The following IFT74 variants were observed in gnomAD, a reference collection of about 807,000 sequenced individuals.
The protein encoded by IFT74 is intraflagellar transport protein 74 homolog.
A neutral mutation model predicts 96.7 loss-of-function variants in IFT74; 92 were observed. The ratio of observed to expected loss-of-function variants is 0.95; its 90% CI spans 0.80 to 1.13. IFT74 has a LOEUF of 1.13. Ranked by LOEUF, IFT74 falls within the 50% of genes most tolerant of loss-of-function variation. The probability of loss-of-function intolerance (pLI) is 0.00; values close to 1 mark genes in which losing one functional copy is unlikely to be tolerated. For synonymous variants in IFT74, 223 were observed against 213.2 expected, an observed-to-expected ratio of 1.05 and a Z score of -0.40; for missense variants, 811 against 698.2, an observed-to-expected ratio of 1.16 and a Z score of -1.82.
At chr9:26,947,327 C>G in intron 1 of IFT74, 1 of 440,888 alleles carries the variant, frequency 2.3e-6, no homozygotes, top group Non-Finnish European at 4.0e-6. Flanking sequence ...CGATGCGGAG[C>G]TGAGCTGGCT....
At chr9:26,991,755 G>A (rs1827885329) in intron 8 of IFT74, among the ~76,000 whole-genome samples, 1 of 152,040 alleles carries the variant, frequency 6.6e-6, no homozygotes, top group African/African-American at 2.4e-5. Flanking sequence ...CTATAGGCCA[G>A]TGTGGTGGTT....
At chr9:27,020,709 C>T (rs554695752) in intron 12 of IFT74, among the ~76,000 whole-genome samples, 35 of 152,152 alleles carry the variant, frequency 2.3e-4, no homozygotes, top group African/African-American at 7.9e-4. Context: ...CTCCTGACCT[C>T]GTGATCTGCC....
At chr9:27,055,191 A>G (rs1022653675) in intron 16 of IFT74, among the ~76,000 whole-genome samples, 1 of 152,160 alleles carries the variant, frequency 6.6e-6, no homozygotes, top group Non-Finnish European at 1.5e-5. Context: ...AGATAGTAAG[A>G]GTTGATTATG....
At chr9:26,949,172 C>T (rs925213164) in intron 1 of IFT74, among the ~76,000 whole-genome samples, 2 of 152,126 alleles carry the variant, frequency 1.3e-5, no homozygotes, top group African/African-American at 4.8e-5. Context: ...AATTTACTGC[C>T]TCCTATATAA....
At chr9:27,032,072 T>G (rs1328143546) in intron 13 of IFT74, among the ~76,000 whole-genome samples, 2 of 152,214 alleles carry the variant, frequency 1.3e-5, no homozygotes, top group Non-Finnish European at 1.5e-5. Context: ...ACAGCATTAC[T>G]ATTATAAGAC....
intron 9 of IFT74, 60 bp from the exon 10 acceptor site, chr9:27,011,846 C>G: frequency 8.4e-7 from 1 of 1,189,238 alleles, no homozygotes; most frequent in Non-Finnish European, 1.1e-6. Context: ...CCTCCCCCCA[C>G]TACAACAAAT....
At chr9:26,969,026 T>C (rs902895266) in intron 2 of IFT74, among the ~76,000 whole-genome samples, 6 of 152,178 alleles carry the variant, frequency 3.9e-5, no homozygotes, top group African/African-American at 1.4e-4. Context: ...TTTTCTACTT[T>C]TTTAATGTAG....
chr9:26,952,967 A>G (rs1054381778), upstream of IFT74, among the ~76,000 whole-genome samples: 3 of 152,242 alleles, frequency 2.0e-5, no homozygotes, highest in African/African-American at 7.2e-5. Context: ...TTAAAGGCTT[A>G]TATAACTAAC....
At chr9:27,002,236 A>T (rs1188543875) in intron 8 of IFT74, among the ~76,000 whole-genome samples, 2 of 152,198 alleles carry the variant, frequency 1.3e-5, no homozygotes, top group Non-Finnish European at 2.9e-5. Context: ...GGTTCAAGTG[A>T]TTCTCATGCC....
intron 2 of IFT74, among the ~76,000 whole-genome samples, chr9:26,967,369 A>G (rs181324978): frequency 6.6e-6 from 1 of 152,000 alleles, no homozygotes; most frequent in Non-Finnish European, 1.5e-5. Flanking sequence ...TAAATGGGAT[A>G]ACTTTCTTGA....
At chr9:26,985,935 C>T (rs1473241514) in intron 6 of IFT74, among the ~76,000 whole-genome samples, 1 of 152,166 alleles carries the variant, frequency 6.6e-6, no homozygotes, top group Non-Finnish European at 1.5e-5. Context: ...TATAGTTCCA[C>T]TAAAGATGCT....
At chr9:26,955,693 T>C (rs1015308079), upstream of IFT74, 2 of 152,034 alleles carry the variant, frequency 1.3e-5, no homozygotes, top group African/African-American at 4.8e-5. Flanking sequence ...GGCAGGCAAG[T>C]TGGAAATAAT....
chr9:26,958,102 C>A (rs1198930634), intron 1 of IFT74, among the ~76,000 whole-genome samples: 1 of 151,994 alleles, frequency 6.6e-6, no homozygotes, highest in Non-Finnish European at 1.5e-5. Context: ...TTGGCAATAC[C>A]TTTATGTACG....
chr9:27,005,813 G>C (rs993812853), intron 8 of IFT74: 3 of 151,220 alleles, frequency 2.0e-5, no homozygotes, highest in Non-Finnish European at 4.4e-5. Context: ...AACAAGTAAG[G>C]CTGTTTGCCT....
chr9:27,018,710 A>AT, intron 12 of IFT74, 23 bp downstream of exon 12: 1 of 1,409,536 alleles, frequency 7.1e-7, no homozygotes, highest in African/African-American at 1.4e-5. Flanking sequence ...ATACTAGGAC[A>AT]TTTTACATCC....
At chr9:27,037,760 A>G (rs74834257) in intron 13 of IFT74, among the ~76,000 whole-genome samples, 130 of 152,266 alleles carry the variant, frequency 8.5e-4, no homozygotes, top group African/African-American at 3.1e-3. Flanking sequence ...AAAATTGCCT[A>G]CCTGTGTTCT....
At chr9:27,043,942 A>G (rs898408728) in intron 13 of IFT74, among the ~76,000 whole-genome samples, 1 of 152,160 alleles carries the variant, frequency 6.6e-6, no homozygotes. Context: ...CAGACTGGAA[A>G]TATTTTTCAA....
chr9:26,973,610 C>G (rs543363979), intron 2 of IFT74, among the ~76,000 whole-genome samples: 4 of 152,300 alleles, frequency 2.6e-5, no homozygotes, highest in African/African-American at 7.2e-5. Context: ...AGCATTAAGT[C>G]TTTTTCTAAT....
intron 11 of IFT74, among the ~76,000 whole-genome samples, chr9:27,017,587 C>T (rs931267018): frequency 1.8e-4 from 27 of 152,194 alleles, no homozygotes; most frequent in African/African-American, 6.3e-4. Flanking sequence ...TGAAACTCTT[C>T]TTTATTGGTC....
Sources: gnomAD v4.1 joint callset for allele counts (sites outside exome capture counted in the v4.1 genomes callset) on GRCh38, gnomAD v4.1.1 for gene constraint, MANE v1.5 for transcripts, NCBI Gene and HGNC (gene_info 2026-07-23, HGNC 2026-07-21) for gene names.